LINGO3: variants seen among roughly 807,000 people sequenced by gnomAD.
The protein encoded by LINGO3 is leucine rich repeat and Ig domain containing 3.
For missense variants in LINGO3, 750 were observed against 867.7 expected (o/e 0.86, Z 1.70); for synonymous variants, 427 against 444.2 (o/e 0.96, Z 0.49).
At chr19:2,289,239 C>T (rs1347095445), downstream of LINGO3, among the ~76,000 whole-genome samples, 2 of 145,968 alleles carry the variant, frequency 1.4e-5, no homozygotes, top group Non-Finnish European at 3.0e-5. Context: ...AGCTGTGTGT[C>T]CCGGGTGTGA....
At chr19:2,300,813 G>A in the LINGO3 span, among the ~76,000 whole-genome samples, 1 of 152,150 alleles carries the variant, frequency 6.6e-6, no homozygotes, top group Non-Finnish European at 1.5e-5. Context: ...GTCCCCAGCT[G>A]CCAAATGGAA....
chr19:2,302,910 T>A, the LINGO3 span, among the ~76,000 whole-genome samples: 2 of 152,204 alleles, frequency 1.3e-5, no homozygotes, highest in East Asian at 3.9e-4. Flanking sequence ...CTCCTCTTCC[T>A]AAGCCCCAGC....
upstream of LINGO3, among the ~76,000 whole-genome samples, chr19:2,292,583 G>T (rs1022112008): frequency 6.6e-6 from 1 of 151,416 alleles, no homozygotes; most frequent in Non-Finnish European, 1.5e-5. Flanking sequence ...TCCACCTCCC[G>T]GGTTCAAGCA....
the LINGO3 span, among the ~76,000 whole-genome samples, chr19:2,304,752 C>G: frequency 2.2e-5 from 3 of 138,158 alleles, no homozygotes; most frequent in Non-Finnish European, 3.1e-5. Context: ...GAGTCTCGCT[C>G]TGTCACCCAG....
In LINGO3 at chr19:2,290,325, G is replaced by T; in HGVS notation, c.1452C>A (p.Asn484Lys). 6.4e-7 allele frequency: 1 copy of T among 1,554,306 alleles called. No individual in the cohort carries two copies. Among genetic ancestry groups the T allele is most frequent in the East Asian group, 2.4e-5 (1 of 41,836 alleles). The change falls in exon 1 of 1, where the codon AAC (asparagine) becomes AAA (lysine). Residue 484 changes from asparagine (N) to lysine (K), a missense_variant. Asn to Lys is a moderately conservative substitution (Grantham distance 94). Transcript: ENST00000585527. The surrounding 1 kb of genome is among the most constrained non-coding windows in gnomAD (Gnocchi z 6.0). ...CGAAGTAGGTGTCGTTGCCGCCCGC[G>T]TTGCTGGCCACGCACGTGTAGGTGC...
exon 1 of LINGO3, chr19:2,291,814 C>A (rs1162294565): frequency 2.1e-6 from 3 of 1,452,760 alleles, no homozygotes; most frequent in Non-Finnish European, 1.8e-6. Flanking sequence ...CCACCATCCT[C>A]CTGCGCACCT....
upstream of LINGO3, among the ~76,000 whole-genome samples, chr19:2,295,344 C>T (rs558553663): frequency 7.2e-5 from 11 of 152,242 alleles, no homozygotes; most frequent in South Asian, 4.1e-4. Context: ...CAGCTACCAC[C>T]GGAAGCTGGA....
At chr19:2,303,583 A>T in the LINGO3 span, among the ~76,000 whole-genome samples, 1 of 152,192 alleles carries the variant, frequency 6.6e-6, no homozygotes, top group Non-Finnish European at 1.5e-5. Flanking sequence ...TTGCATCCAC[A>T]GGCAATGGGG....
chr19:2,293,382 CAG>C (rs772026133), upstream of LINGO3, among the ~76,000 whole-genome samples: 18 of 120,884 alleles, frequency 1.5e-4, no homozygotes, highest in Non-Finnish European at 2.4e-4. Flanking sequence ...TTTTTGGAGA[CAG>C]AGTCTCACTC....
chr19:2,291,404 G>A (rs747400509), exon 1 of LINGO3: 5 of 1,613,544 alleles, frequency 3.1e-6, no homozygotes, highest in Non-Finnish European at 4.2e-6. Flanking sequence ...AGGTTGTCCA[G>A]GCGCGTGAAG....
the LINGO3 span, among the ~76,000 whole-genome samples, chr19:2,303,497 G>T: frequency 1.3e-5 from 2 of 151,934 alleles, no homozygotes; most frequent in Non-Finnish European, 2.9e-5. Context: ...GTGTGTCTGC[G>T]CTTGCGGGGG....
chr19:2,294,263 C>T (rs573100450), upstream of LINGO3, among the ~76,000 whole-genome samples: 6 of 152,136 alleles, frequency 3.9e-5, no homozygotes, highest in Non-Finnish European at 8.8e-5. This position sits in a 1 kb window ranked among gnomAD's most constrained non-coding sequence, Gnocchi z 4.3. Context: ...CGTGTGAACA[C>T]GGAGGCAGAG....
At chr19:2,292,145 G>A, upstream of LINGO3, 3 of 295,260 alleles carry the variant, frequency 1.0e-5, no homozygotes, top group South Asian at 7.9e-5. Flanking sequence ...ATATGCTTGT[G>A]CCACTGCACT....
At chr19:2,299,356 G>T in the LINGO3 span, among the ~76,000 whole-genome samples, 2 of 152,150 alleles carry the variant, frequency 1.3e-5, no homozygotes, top group African/African-American at 4.8e-5. Context: ...CTGTGTACAC[G>T]GCCTGCATCT....
rs1174568904 is a variant in LINGO3 at position 2,290,244 on chromosome 19, G to A, written c.1533C>T (p.His511=). ...CGCGCAGGGCCGCCAGCGTCTCGTT[G>A]TGGGCCTCGCCCGGGGTCCGGTTGG... Residue 511 remains histidine, a synonymous_variant, in exon 1 of 1, where the codon CAC becomes CAT. Transcript: ENST00000585527. This position sits in a 1 kb window ranked among gnomAD's most constrained non-coding sequence, Gnocchi z 6.0. 1.2e-6 allele frequency: 2 copies of A among 1,604,202 alleles called. No individual in the cohort carries two copies. Among genetic ancestry groups the A allele is most frequent in the African/African-American group, 1.3e-5 (1 of 74,650 alleles).
chr19:2,291,145 G>A, exon 1 of LINGO3: 1 of 1,607,290 alleles, frequency 6.2e-7, no homozygotes, highest in Non-Finnish European at 8.5e-7. Flanking sequence ...CTCCAGGGAG[G>A]CGATGGCCAG....
At chr19:2,301,191 T>G in the LINGO3 span, among the ~76,000 whole-genome samples, 1 of 151,642 alleles carries the variant, frequency 6.6e-6, no homozygotes, top group African/African-American at 2.4e-5. Context: ...TGGGGACCCC[T>G]GGTTTACACC....
At chr19:2,295,077 C>G (rs1419596827), upstream of LINGO3, among the ~76,000 whole-genome samples, 2 of 152,114 alleles carry the variant, frequency 1.3e-5, no homozygotes, top group Non-Finnish European at 2.9e-5. Context: ...GAATTTAATC[C>G]CAGAGCGAAC....
At chr19:2,299,723 CTT>C in the LINGO3 span, among the ~76,000 whole-genome samples, 22 of 81,606 alleles carry the variant, frequency 2.7e-4, no homozygotes, top group African/African-American at 8.5e-4. Flanking sequence ...TGTGCCCTGC[CTT>C]TTTTTTTTTT....
Sources: allele counts gnomAD v4.1 joint callset (sites outside exome capture counted in the v4.1 genomes callset), GRCh38; gene constraint gnomAD v4.1.1; non-coding constraint Gnocchi (gnomAD v3.1); transcripts MANE v1.5; gene names NCBI Gene and HGNC (gene_info 2026-07-23, HGNC 2026-07-21).